Variants in EDA observed in about 807,000 individuals in gnomAD.
EDA encodes the protein ectodysplasin-A.
In EDA, 2 loss-of-function variants were observed where a neutral mutation model predicts 23.6. The ratio of observed to expected loss-of-function variants is 0.08; its 90% CI spans 0.03 to 0.27. The LOEUF (loss-of-function observed/expected upper bound fraction) is 0.27, where lower values mean the gene tolerates loss of function less well. Among genes scored for constraint, EDA ranks in the 10% least tolerant of loss-of-function variants. EDA has a pLI of 1.00. For synonymous variants in EDA, 131 were observed against 132.0 expected, an observed-to-expected ratio of 0.99 and a Z score of 0.05; for missense variants, 229 against 324.2, an observed-to-expected ratio of 0.71 and a Z score of 2.26.
intron 1 of EDA, among the ~76,000 whole-genome samples, chrX:69,931,206 G>A (rs980909433): frequency 1.7e-4 from 19 of 111,037 alleles, no homozygotes; most frequent in Non-Finnish European, 2.8e-4. Context: ...ACACATATAT[G>A]GTCAAATGAT....
intron 2 of EDA, among the ~76,000 whole-genome samples, chrX:69,972,985 T>C (rs778406697): frequency 9.0e-6 from 1 of 111,724 alleles, no homozygotes; most frequent in Non-Finnish European, 1.9e-5. Flanking sequence ...GAATTAGCTA[T>C]AACTAACTAA....
At chrX:69,857,179 TGTAA>T (rs2017277341) in intron 1 of EDA, among the ~76,000 whole-genome samples, 1 of 111,946 alleles carries the variant, frequency 8.9e-6, no homozygotes, top group South Asian at 3.7e-4. Context: ...ATCAGTTGGC[TGTAA>T]GTATTTGGCT....
chrX:69,970,732 C>G (rs1189962870), intron 2 of EDA, among the ~76,000 whole-genome samples: 3 of 111,250 alleles, frequency 2.7e-5, no homozygotes, highest in African/African-American at 9.8e-5. Flanking sequence ...ACAGGGAAGT[C>G]TCAAAACACT....
At chrX:69,944,150 C>T (rs2018802193) in intron 1 of EDA, among the ~76,000 whole-genome samples, 1 of 111,237 alleles carries the variant, frequency 9.0e-6, no homozygotes, top group South Asian at 3.8e-4. Context: ...CCCAAGAACC[C>T]ACTTGGTGCT....
intron 2 of EDA, among the ~76,000 whole-genome samples, chrX:69,960,212 G>C (rs746686586): frequency 1.1e-3 from 125 of 111,561 alleles, no homozygotes; most frequent in Admixed American, 2.3e-3. Flanking sequence ...AGAGATGATG[G>C]TGGCTTAGAC....
At chrX:69,953,613 G>C (rs771166897) in intron 1 of EDA, among the ~76,000 whole-genome samples, 18 of 111,724 alleles carry the variant, frequency 1.6e-4, no homozygotes, top group African/African-American at 5.5e-4. Flanking sequence ...ATTTATAATA[G>C]CCCCAAACTA....
intron 2 of EDA, among the ~76,000 whole-genome samples, chrX:70,000,175 A>G (rs1440172587): frequency 4.5e-5 from 5 of 112,344 alleles, no homozygotes; most frequent in Admixed American, 2.8e-4. Context: ...GAATAAGACA[A>G]AGATGCTCAT....
chrX:69,619,794 G>C (rs1488408691), intron 1 of EDA, among the ~76,000 whole-genome samples: 2 of 112,014 alleles, frequency 1.8e-5, no homozygotes, highest in Non-Finnish European at 3.8e-5. Flanking sequence ...TGGAGATGTT[G>C]CGCCGGTTGT....
chrX:69,746,428 TAC>T (rs1200266231), intron 1 of EDA, among the ~76,000 whole-genome samples: 2 of 111,892 alleles, frequency 1.8e-5, no homozygotes, highest in African/African-American at 6.5e-5. Context: ...CTCCTACATA[TAC>T]AGTTTTCTTC....
intron 1 of EDA, among the ~76,000 whole-genome samples, chrX:69,910,372 AGAGTGTGTGTGTGTGTGTGTGTGT>A (rs1407188746): frequency 1.7e-4 from 9 of 51,454 alleles, no homozygotes; most frequent in East Asian, 8.3e-4. Flanking sequence ...AGAGAGAGAG[AGAGTGTGTGTGTGTGTGTGTGTGT>A]GTGTGTGTGT....
chrX:69,802,878 T>C (rs2015726099), intron 1 of EDA, among the ~76,000 whole-genome samples: 1 of 111,880 alleles, frequency 8.9e-6, no homozygotes, highest in Admixed American at 9.5e-5. Flanking sequence ...TTGACCACAT[T>C]GTGTGTACAT....
intron 1 of EDA, among the ~76,000 whole-genome samples, chrX:69,626,280 A>G (rs1393291913): frequency 8.9e-6 from 1 of 111,890 alleles, no homozygotes; most frequent in African/African-American, 3.2e-5. Flanking sequence ...GAATTACAAT[A>G]TGACCCAGCA....
intron 1 of EDA, among the ~76,000 whole-genome samples, chrX:69,680,071 G>A (rs1160509385): frequency 1.8e-5 from 2 of 109,999 alleles, no homozygotes; most frequent in East Asian, 2.9e-4. Context: ...CCTTCATTTC[G>A]TTGTGTACCC....
chrX:69,823,270 ACACTGACTTCC>A, intron 1 of EDA, among the ~76,000 whole-genome samples: 1 of 77,269 alleles, frequency 1.3e-5, no homozygotes, highest in African/African-American at 5.9e-5. Context: ...AGGAATCGCC[ACACTGACTTCC>A]ACAATGGTTG....
chrX:69,775,732 C>T (rs754310432), intron 1 of EDA, among the ~76,000 whole-genome samples: 30 of 111,672 alleles, frequency 2.7e-4, no homozygotes, highest in Non-Finnish European at 4.5e-4. Context: ...ATTTAATGAA[C>T]GCCAAAATTT....
At chrX:69,907,867 C>A (rs1301094784) in intron 1 of EDA, among the ~76,000 whole-genome samples, 2 of 110,313 alleles carry the variant, frequency 1.8e-5, no homozygotes, top group African/African-American at 6.6e-5. Flanking sequence ...CCCAGAAGAA[C>A]TAGATCTAAG....
chrX:69,978,435 G>A (rs1277900459), intron 2 of EDA, among the ~76,000 whole-genome samples: 2 of 100,552 alleles, frequency 2.0e-5, no homozygotes, highest in South Asian at 4.8e-4. Flanking sequence ...CCCGGGAGGC[G>A]GAGGTTGCAG....
intron 1 of EDA, among the ~76,000 whole-genome samples, chrX:69,693,661 C>T (rs906691921): frequency 9.0e-6 from 1 of 111,537 alleles, no homozygotes; most frequent in African/African-American, 3.3e-5. Context: ...TCAGTCTTTC[C>T]GGAAGACTGA....
intron 1 of EDA, among the ~76,000 whole-genome samples, chrX:69,874,170 G>A (rs1204162017): frequency 9.0e-6 from 1 of 110,923 alleles, no homozygotes; most frequent in African/African-American, 3.3e-5. Flanking sequence ...AAGTTAGCTG[G>A]ACGTGGTGAC....
Sources: gnomAD v4.1 joint callset for allele counts (sites outside exome capture counted in the v4.1 genomes callset) on GRCh38, gnomAD v4.1.1 for gene constraint, MANE v1.5 for transcripts, NCBI Gene and HGNC (gene_info 2026-07-23, HGNC 2026-07-21) for gene names.